Variants in UTS2R observed in about 807,000 individuals in gnomAD.
UTS2R encodes the protein urotensin 2 receptor.
For missense variants in UTS2R, 653 were observed against 562.2 expected, an observed-to-expected ratio of 1.16 and a Z score of -1.63; for synonymous variants, 335 against 280.9, an observed-to-expected ratio of 1.19 and a Z score of -1.93.
rs1284409706 is a variant in UTS2R at position 82,374,183 on chromosome 17, GCCATCACAGTGGCCT to G, written c.-82-57_-82-43del. 3 of 668,486 alleles carry G rather than the reference GCCATCACAGTGGCCT, an allele frequency of 4.5e-6. No individual in the cohort carries two copies. The African/African-American group carries it at 5.4e-5, about 12-fold the overall frequency. The allele number at this position is 668,486 out of a possible 1,614,324, so 41.4% of individuals were successfully genotyped here. On this transcript the variant is annotated intron_variant, in intron 2 of 2. Coordinates refer to ENST00000313135, the MANE Select transcript of UTS2R (RefSeq NM_018949.3). ...GCCCACGTGACTCTGTGGGAACGAG[GCCATCACAGTGGCCT>G]CCTGGGAGCGGAAGGTGTTGCCTGA... is the stretch of plus-strand genomic sequence containing the variant.
rs1039371221 is a variant in UTS2R, at chr17:82,376,651, A to T, written c.*1157A>T. Among the ~76,000 whole-genome samples the T allele has an allele frequency of 1.3e-5, 2 of 152,358 alleles. No individual in the cohort carries two copies. Among genetic ancestry groups the T allele is most frequent in the Admixed American group, 1.3e-4 (2 of 15,308 alleles). On this transcript the variant is annotated 3_prime_UTR_variant, in exon 3 of 3. Transcript: ENST00000313135. ...CTTGCAGCTCCCCCCTGGAGTTACGAAAGTGCTCTGGAACTAGACGCTGGT... is the reference window on the plus strand; with the variant it reads ...CTTGCAGCTCCCCCCTGGAGTTACGTAAGTGCTCTGGAACTAGACGCTGGT...
rs2143121426 is a variant in UTS2R, at chr17:82,376,859, C to T, written c.*1365C>T. Among the ~76,000 whole-genome samples, 1 of 152,298 alleles carries T rather than the reference C, an allele frequency of 6.6e-6. No homozygotes were observed. The highest frequency in any genetic ancestry group is 1.9e-4 in the East Asian group (1 of 5,186). ...GGGAGGTGGGGGGGTCAGCCCCCCG[C>T]CCGGCCAGCCACCCCGTCCGGGAGG... On this transcript the variant is annotated 3_prime_UTR_variant, in exon 3 of 3. Transcript: ENST00000313135.
Position 82,375,486 on chromosome 17 carries a change from C to T in UTS2R, c.1162C>T (p.Pro388Ser). The change falls in exon 3 of 3, where the codon CCG (proline) becomes TCG (serine). Residue 388 changes from proline (P) to serine (S), a missense_variant. Coordinates refer to ENST00000313135, the MANE Select transcript of UTS2R (RefSeq NM_018949.3). The stretch of plus-strand genomic sequence containing the variant: ...ACCTGCGCCCGAGGGTCCCAGGGCC[C>T]CGGCGTGAGCACGCGGAGGGGCGGC... The part of the protein sequence containing the change: ...ARPAPEGPRA[P>S]A 7.4e-7 allele frequency: 1 copy of T among 1,358,326 alleles called. No individual in the cohort carries two copies. The highest frequency in any genetic ancestry group is 1.4e-5 in the South Asian group (1 of 71,012). 84.1% of individuals were successfully genotyped at this position (1,358,326 alleles called of 1,614,324 possible). A position where few individuals can be genotyped will look rare whatever the true frequency, so the allele number is the denominator to read the frequency against.
Position 82,376,650 on chromosome 17 carries a change from G to T in UTS2R, c.*1156G>T. On this transcript the variant is annotated 3_prime_UTR_variant, in exon 3 of 3. Coordinates refer to ENST00000313135, the MANE Select transcript of UTS2R (RefSeq NM_018949.3). ...GCTTGCAGCTCCCCCCTGGAGTTAC[G>T]AAAGTGCTCTGGAACTAGACGCTGG... 6.6e-6 allele frequency among the ~76,000 whole-genome samples: 1 copy of T among 152,266 alleles called. No homozygotes were observed. The highest frequency in any genetic ancestry group is 1.5e-5 in the Non-Finnish European group (1 of 68,044).
At position 82,374,753 on chromosome 17, in the gene UTS2R, C is replaced by G; in HGVS notation, c.429C>G (p.Val143=). ...TMHASIFTLT[V]MSSERYAAVL... is the part of the protein sequence containing the mutation. ...ACGCCAGCATCTTCACGCTGACCGT[C>G]ATGAGCAGCGAGCGCTACGCTGCGG... The change falls in exon 3 of 3, where the codon GTC becomes GTG. Residue 143 remains valine, a synonymous_variant. Coordinates refer to ENST00000313135, the MANE Select transcript of UTS2R (RefSeq NM_018949.3). 3 of 1,610,224 alleles carry G rather than the reference C, an allele frequency of 1.9e-6. No individual in the cohort carries two copies. The highest frequency in any genetic ancestry group is 2.5e-6 in the Non-Finnish European group (3 of 1,179,616).
At position 82,374,753 on chromosome 17, in the gene UTS2R, C is replaced by T. The variant is rs1272702980; in HGVS notation, c.429C>T (p.Val143=). 1 of 1,610,224 alleles carries T rather than the reference C, an allele frequency of 6.2e-7. No individual in the cohort carries two copies. Among genetic ancestry groups the T allele is most frequent in the Admixed American group, 1.7e-5 (1 of 59,988 alleles). ...ACGCCAGCATCTTCACGCTGACCGT[C>T]ATGAGCAGCGAGCGCTACGCTGCGG... ...TMHASIFTLT[V]MSSERYAAVL... is the part of the protein sequence containing the mutation. The change falls in exon 3 of 3, where the codon GTC becomes GTT. Residue 143 remains valine (V), a synonymous_variant. Coordinates refer to ENST00000313135, the MANE Select transcript of UTS2R (RefSeq NM_018949.3).
chr17:82,375,414 C>A lies in UTS2R; in HGVS notation c.1090C>A (p.Pro364Thr). The A allele has an allele frequency of 6.3e-7, 1 of 1,575,912 alleles. No homozygotes were observed. Among genetic ancestry groups the A allele is most frequent in the Non-Finnish European group, 8.5e-7 (1 of 1,170,102 alleles). ...CSGRSLSSCS[P>T]QPTDSLVLAP... ...GGGCCGCTCCCTGTCTTCCTGCAGC[C>A]CACAGCCCACTGACAGCCTCGTGCT... The change falls in exon 3 of 3, where the codon CCA becomes ACA. Residue 364 changes from proline (P) to threonine (T), a missense_variant. Coordinates refer to ENST00000313135, the MANE Select transcript of UTS2R (RefSeq NM_018949.3).
rs767765155 is a variant in UTS2R at position 82,375,364 on chromosome 17, C to T, written c.1040C>T (p.Pro347Leu). ...CGGGGGCCCGTTCCCTCCCTGCAGC[C>T]CCGCGCCCGCTTCCAGCGCTGTTCG... ...GGRGPVPSLQ[P>L]RARFQRCSGR... The change falls in exon 3 of 3, where the codon CCC (proline) becomes CTC (leucine). Residue 347 changes from proline to leucine, a missense_variant. Transcript: ENST00000313135. 1 of 1,578,522 alleles carries T rather than the reference C, an allele frequency of 6.3e-7. No homozygotes were observed. Among genetic ancestry groups the T allele is most frequent in the Non-Finnish European group, 8.6e-7 (1 of 1,167,434 alleles).
rs1039403535 is a variant in UTS2R, at chr17:82,376,825, C to A, written c.*1331C>A. Among the ~76,000 whole-genome samples the A allele has an allele frequency of 6.6e-6, 1 of 152,142 alleles. No individual in the cohort carries two copies. Among genetic ancestry groups the A allele is most frequent in the Non-Finnish European group, 1.5e-5 (1 of 68,030 alleles). On this transcript the variant is annotated 3_prime_UTR_variant, in exon 3 of 3. Coordinates refer to ENST00000313135, the MANE Select transcript of UTS2R (RefSeq NM_018949.3). ...TGAAAGAGACTGATGTCAGCCGCCC[C>A]GTCTGGGAGGGAGGTGGGGGGGTCA...
In UTS2R at chr17:82,374,871, C is replaced by A; in HGVS notation, c.547C>A (p.Pro183Thr). The A allele has an allele frequency of 7.6e-7, 1 of 1,311,752 alleles. No individual in the cohort carries two copies. The highest frequency in any genetic ancestry group is 1.1e-6 in the Non-Finnish European group (1 of 939,390). The allele number at this position is 1,311,752 out of a possible 1,614,324, so 81.3% of individuals were successfully genotyped here. A position where few individuals can be genotyped will look rare whatever the true frequency, so the allele number is the denominator to read the frequency against. ...GCTGCTGGCGCTGCTGCTGACGCTG[C>A]CCGTGATGCTGGCCATGCGGCTGGT... ...TWLLALLLTL[P>T]VMLAMRLVRR... Residue 183 changes from proline (P) to threonine (T), a missense_variant, in exon 3 of 3, where the codon CCC becomes ACC. Transcript: ENST00000313135.
chr17:82,375,182 C>T lies in UTS2R; in HGVS notation c.858C>T (p.Ala286=), dbSNP rs1257576907. ...AGCTGCTCGCCCAGTACCACCAGGC[C>T]CCGCTGGCGCCGCGGACGGCGCGCA... ...LWQLLAQYHQ[A]PLAPRTARIV... Residue 286 remains alanine, a synonymous_variant, in exon 3 of 3, where the codon GCC becomes GCT. Coordinates refer to ENST00000313135, the MANE Select transcript of UTS2R (RefSeq NM_018949.3). The T allele has an allele frequency of 1.3e-6, 2 of 1,554,360 alleles. No homozygotes were observed. Among genetic ancestry groups the T allele is most frequent in the Non-Finnish European group, 1.7e-6 (2 of 1,151,086 alleles).
Position 82,375,857 on chromosome 17 carries a change from C to T in UTS2R, c.*363C>T, listed in dbSNP as rs1018270201. Among the ~76,000 whole-genome samples, 2 of 152,268 alleles carry T rather than the reference C, an allele frequency of 1.3e-5. No individual in the cohort carries two copies. The highest frequency in any genetic ancestry group is 4.8e-5 in the African/African-American group (2 of 41,470). On this transcript the variant is annotated 3_prime_UTR_variant, in exon 3 of 3. Coordinates refer to ENST00000313135, the MANE Select transcript of UTS2R (RefSeq NM_018949.3). ...CTGTTCCTGCCTGTGTGGCTCCATC[C>T]CTTGTGGCTTTGCCACTGGAACAAT...
At position 82,374,945 on chromosome 17, in the gene UTS2R, C is replaced by T. The variant is rs1344032121; in HGVS notation, c.621C>T (p.Ala207=). ...SLCLPAWGPR[A]HRAYLTLLFA... ...GCCTGCCCGCCTGGGGCCCGCGCGC[C>T]CACCGCGCCTACCTGACGCTGCTCT... Residue 207 remains alanine (A), a synonymous_variant, in exon 3 of 3, where the codon GCC becomes GCT. Transcript: ENST00000313135. 2.7e-6 allele frequency: 3 copies of T among 1,108,820 alleles called. No individual in the cohort carries two copies. Among genetic ancestry groups the T allele is most frequent in the South Asian group, 1.4e-5 (1 of 72,358 alleles). 68.7% of individuals were successfully genotyped at this position (1,108,820 alleles called of 1,614,324 possible).
chr17:82,375,726 C>T lies in UTS2R; in HGVS notation c.*232C>T, dbSNP rs1433014449. On this transcript the variant is annotated 3_prime_UTR_variant, in exon 3 of 3. Coordinates refer to ENST00000313135, the MANE Select transcript of UTS2R (RefSeq NM_018949.3). ...CAGTCCCGGCTTCTGGAGACCATGG[C>T]TTCGTCACAGAGGGCAGCAGGCGCC... 7 of 423,852 alleles carry T rather than the reference C, an allele frequency of 1.7e-5. No individual in the cohort carries two copies. Among genetic ancestry groups the T allele is most frequent in the African/African-American group, 1.4e-4 (7 of 48,292 alleles). The allele number at this position is 423,852 out of a possible 1,614,324, so 26.3% of individuals were successfully genotyped here. A position where few individuals can be genotyped will look rare whatever the true frequency, so the allele number is the denominator to read the frequency against.
At position 82,376,444 on chromosome 17, in the gene UTS2R, C is replaced by T. The variant is rs1484853405; in HGVS notation, c.*950C>T. On this transcript the variant is annotated 3_prime_UTR_variant, in exon 3 of 3. Transcript: ENST00000313135. Reference sequence around the variant, plus strand: ...TGGCCTCCCCTCCCCACCCCATGGCCATGCCCAGACTACCAGCCCCTTGGG... The same window carrying T: ...TGGCCTCCCCTCCCCACCCCATGGCTATGCCCAGACTACCAGCCCCTTGGG... 6.6e-6 allele frequency among the ~76,000 whole-genome samples: 1 copy of T among 152,078 alleles called. No individual in the cohort carries two copies. The highest frequency in any genetic ancestry group is 1.5e-5 in the Non-Finnish European group (1 of 67,982).
chr17:82,375,565 C>T lies in UTS2R; in HGVS notation c.*71C>T, dbSNP rs2052490377. 1.7e-6 allele frequency: 1 copy of T among 594,222 alleles called. No individual in the cohort carries two copies. The highest frequency in any genetic ancestry group is 2.7e-6 in the Non-Finnish European group (1 of 364,910). The allele number at this position is 594,222 out of a possible 1,614,324, so 36.8% of individuals were successfully genotyped here. A position where few individuals can be genotyped will look rare whatever the true frequency, so the allele number is the denominator to read the frequency against. ...GCCCCAGCCACTCCCGGGAGCCCCC[C>T]CAACTCCCAAATCACAGGCCCTGCC... On this transcript the variant is annotated 3_prime_UTR_variant, in exon 3 of 3. Transcript: ENST00000313135.
chr17:82,371,778 G>A lies in UTS2R; in HGVS notation c.-538G>A, dbSNP rs1312821182. Among the ~76,000 whole-genome samples, 2 of 151,330 alleles carry A rather than the reference G, an allele frequency of 1.3e-5. No individual in the cohort carries two copies. The highest frequency in any genetic ancestry group is 2.1e-4 in the South Asian group (1 of 4,818). ...GCGGGGCGCGGCGCATTCCCAGCTG[G>A]CGGCGGGCAGGTGGCGGCGGCGCAG... On this transcript the variant is annotated 5_prime_UTR_variant, in exon 1 of 3. Transcript: ENST00000313135. The surrounding 1 kb of genome is among the most constrained non-coding windows in gnomAD (Gnocchi z 6.3).
At position 82,376,047 on chromosome 17, in the gene UTS2R, G is replaced by A. The variant is rs998106457; in HGVS notation, c.*553G>A. Among the ~76,000 whole-genome samples, 1 of 152,214 alleles carries A rather than the reference G, an allele frequency of 6.6e-6. No individual in the cohort carries two copies. Among genetic ancestry groups the A allele is most frequent in the Non-Finnish European group, 1.5e-5 (1 of 68,028 alleles). On this transcript the variant is annotated 3_prime_UTR_variant, in exon 3 of 3. Transcript: ENST00000313135. ...GCACCTGCCTTTGAGGCCTGTGCAGGCGGCTGGTCTGGCACCTGATGTGGG... is the reference window on the plus strand; with the variant it reads ...GCACCTGCCTTTGAGGCCTGTGCAGACGGCTGGTCTGGCACCTGATGTGGG...
In UTS2R at chr17:82,375,203, G is replaced by T; in HGVS notation, c.879G>T (p.Ala293=). 6.4e-7 allele frequency: 1 copy of T among 1,567,378 alleles called. No individual in the cohort carries two copies. Among genetic ancestry groups the T allele is most frequent in the Non-Finnish European group, 8.6e-7 (1 of 1,158,378 alleles). Reference sequence around the variant, plus strand: ...AGGCCCCGCTGGCGCCGCGGACGGCGCGCATCGTCAACTACCTGACCACCT... The same window carrying T: ...AGGCCCCGCTGGCGCCGCGGACGGCTCGCATCGTCAACTACCTGACCACCT... The part of the protein sequence containing the change: ...YHQAPLAPRT[A]RIVNYLTTCL... Residue 293 remains alanine, a synonymous_variant, in exon 3 of 3, where the codon GCG becomes GCT. Coordinates refer to ENST00000313135, the MANE Select transcript of UTS2R (RefSeq NM_018949.3).
Sources: allele counts gnomAD v4.1 joint callset (sites outside exome capture counted in the v4.1 genomes callset), GRCh38; gene constraint gnomAD v4.1.1; non-coding constraint Gnocchi (gnomAD v3.1); transcripts MANE v1.5; gene names NCBI Gene and HGNC (gene_info 2026-07-23, HGNC 2026-07-21).